NDST4: variants seen among roughly 807,000 people sequenced by gnomAD.
NDST4 encodes the protein N-heparan sulfate sulfotransferase 4.
In NDST4, 63 loss-of-function variants were observed where a neutral mutation model predicts 100.8. The ratio of observed to expected loss-of-function variants is 0.62; its 90% CI spans 0.51 to 0.77. The LOEUF (loss-of-function observed/expected upper bound fraction) is 0.77. NDST4 is among the 30% of genes least tolerant of loss of function. The probability of loss-of-function intolerance (pLI) is 0.00; values close to 1 mark genes in which losing one functional copy is unlikely to be tolerated. For synonymous variants in NDST4, 377 were observed against 361.8 expected (o/e 1.04, Z -0.48); for missense variants, 943 against 1,018.4 (o/e 0.93, Z 1.01).
chr4:114,914,341 A>G (rs1725124532), intron 6 of NDST4, among the ~76,000 whole-genome samples: 1 of 152,174 alleles, frequency 6.6e-6, no homozygotes, highest in African/African-American at 2.4e-5. Context: ...ATTGCTTGTA[A>G]CACAGGGATA....
chr4:115,026,988 T>A (rs1728000877), intron 2 of NDST4, among the ~76,000 whole-genome samples: 1 of 152,020 alleles, frequency 6.6e-6, no homozygotes, highest in Admixed American at 6.6e-5. Flanking sequence ...AATTCCAGAG[T>A]CTAGTTGCTG....
At chr4:115,047,928 C>G (rs1728500027) in intron 2 of NDST4, among the ~76,000 whole-genome samples, 1 of 147,480 alleles carries the variant, frequency 6.8e-6, no homozygotes, top group Non-Finnish European at 1.5e-5. Flanking sequence ...TTTTTTCAAC[C>G]TTTTTAAAAT....
At chr4:114,946,855 T>C (rs773753149) in intron 4 of NDST4, among the ~76,000 whole-genome samples, 4 of 152,172 alleles carry the variant, frequency 2.6e-5, no homozygotes, top group Non-Finnish European at 4.4e-5. Context: ...CTTTTTTTTC[T>C]GTAGATATTT....
Position 114,890,581 on chromosome 4 carries a change from T to C in NDST4, c.1537-19631A>G, listed in dbSNP as rs1468865503. On this transcript the variant is annotated intron_variant, in intron 6 of 13. Coordinates refer to ENST00000264363, the MANE Select transcript of NDST4 (RefSeq NM_022569.3). ...GAAGTAACAGTTGTTATTCCAATCT[T>C]AGTATAGGAAGCAGTGCTAAGCAAT... Among the ~76,000 whole-genome samples the C allele has an allele frequency of 2.6e-5, 4 of 152,100 alleles. No homozygotes were observed. The East Asian group carries it at 5.8e-4, about 22-fold the overall frequency.
intron 2 of NDST4, among the ~76,000 whole-genome samples, chr4:114,982,949 G>A (rs538235132): frequency 3.6e-4 from 55 of 152,302 alleles, no homozygotes; most frequent in African/African-American, 1.2e-3. Flanking sequence ...TACAGCTCAC[G>A]TTGTGGCTTC....
chr4:114,985,412 C>T (rs942427185), intron 2 of NDST4, among the ~76,000 whole-genome samples: 4 of 152,122 alleles, frequency 2.6e-5, no homozygotes, highest in African/African-American at 9.7e-5. Flanking sequence ...TTTAGGTACT[C>T]AGGATAGAGT....
rs142572486 is a variant in NDST4, at chr4:114,891,292, G to A, written c.1537-20342C>T. Among the ~76,000 whole-genome samples the A allele has an allele frequency of 8.6e-4, 131 of 151,828 alleles. 1 individual carries two copies. Among genetic ancestry groups the A allele is most frequent in the African/African-American group, 2.9e-3 (119 of 41,406 alleles). ...TCTTCTAATATTATTAAAGGTCTTA[G>A]CTTCCATTCCTGTCTTAAAGTACTC... On this transcript the variant is annotated intron_variant, in intron 6 of 13. Coordinates refer to ENST00000264363, the MANE Select transcript of NDST4 (RefSeq NM_022569.3).
chr4:114,910,453 G>A (rs750022735), intron 6 of NDST4, among the ~76,000 whole-genome samples: 1 of 152,178 alleles, frequency 6.6e-6, no homozygotes, highest in Non-Finnish European at 1.5e-5. Flanking sequence ...GTGTATAACA[G>A]TAGTAGCTCA....
intron 6 of NDST4, among the ~76,000 whole-genome samples, chr4:114,916,834 G>A (rs553928733): frequency 6.6e-6 from 1 of 151,474 alleles, no homozygotes; most frequent in Non-Finnish European, 1.5e-5. Context: ...CAAATCTTAC[G>A]TAAATTTTCT....
chr4:114,907,265 A>C (rs1368460055), intron 6 of NDST4, among the ~76,000 whole-genome samples: 1 of 152,156 alleles, frequency 6.6e-6, no homozygotes, highest in Admixed American at 6.5e-5. Flanking sequence ...CTGGCCCAGA[A>C]TAAGGGCACA....
rs761395212 is a variant in NDST4 at position 115,076,395 on chromosome 4, A to C, written c.642T>G (p.Pro214=). 6.2e-7 allele frequency: 1 copy of C among 1,613,976 alleles called. No individual in the cohort carries two copies. The highest frequency in any genetic ancestry group is 1.7e-5 in the Admixed American group (1 of 59,990). ...AAATAGTCCAGTCTTCCCCAGGAAGAGGGCCTTTCTCAACCTTGGGGGCTT... is the reference window on the plus strand; with the variant it reads ...AAATAGTCCAGTCTTCCCCAGGAAGCGGGCCTTTCTCAACCTTGGGGGCTT... ...ITKAPKVEKG[P]LPGEDWTIFQ... The change falls in exon 2 of 14, where the codon CCT becomes CCG. Residue 214 remains proline (P), a synonymous_variant. Transcript: ENST00000264363.
intron 2 of NDST4, among the ~76,000 whole-genome samples, chr4:115,064,783 C>G (rs563640365): frequency 3.9e-5 from 6 of 152,174 alleles, no homozygotes; most frequent in African/African-American, 1.4e-4. Context: ...TTTATTCAAT[C>G]TGTTTTTCTT....
At chr4:114,873,544 G>A (rs17047437) in intron 6 of NDST4, among the ~76,000 whole-genome samples, 11,755 of 151,826 alleles carry the variant, frequency 0.077, 531 homozygotes, top group East Asian at 0.13. Context: ...ACTGTCCAAT[G>A]TCCCAATCTC....
In NDST4 at chr4:115,088,989, G is replaced by T. The variant is rs187517715; in HGVS notation, c.-246-11707C>A. 2.5e-3 allele frequency among the ~76,000 whole-genome samples: 373 copies of T among 152,104 alleles called. 5 individuals are homozygous for T. The highest frequency in any genetic ancestry group is 1.5e-3 in the Non-Finnish European group (103 of 67,942). ...TAATTATTCATGGATTTCCACCAAG[G>T]CAGGAACTGTGATTTATTTAGAATT... On this transcript the variant is annotated intron_variant, in intron 1 of 13. Coordinates refer to ENST00000264363, the MANE Select transcript of NDST4 (RefSeq NM_022569.3).
At chr4:115,021,278 G>A (rs1053062610) in intron 2 of NDST4, among the ~76,000 whole-genome samples, 1,537 of 133,220 alleles carry the variant, frequency 0.012, 37 homozygotes, top group African/African-American at 0.042. Flanking sequence ...TTCCACATGT[G>A]TATTCCACAT....
At chr4:115,085,291 T>A (rs919982375) in intron 1 of NDST4, among the ~76,000 whole-genome samples, 9 of 152,204 alleles carry the variant, frequency 5.9e-5, no homozygotes, top group Admixed American at 5.2e-4. Context: ...TTACTTTTGA[T>A]TATACAGGCT....
chr4:114,995,424 G>A (rs1037057353), intron 2 of NDST4, among the ~76,000 whole-genome samples: 2 of 151,968 alleles, frequency 1.3e-5, no homozygotes, highest in Admixed American at 6.6e-5. Context: ...AACAGCAAAA[G>A]TATTTTGACA....
chr4:115,087,794 C>T (rs1318807097), intron 1 of NDST4, among the ~76,000 whole-genome samples: 1 of 151,774 alleles, frequency 6.6e-6, no homozygotes, highest in African/African-American at 2.4e-5. Context: ...TGTAACTTAT[C>T]AGCAAGGATG....
intron 2 of NDST4, among the ~76,000 whole-genome samples, chr4:115,024,904 T>A (rs1325131242): frequency 6.6e-6 from 1 of 152,212 alleles, no homozygotes; most frequent in Non-Finnish European, 1.5e-5. Flanking sequence ...AATGGATTAA[T>A]GCTGGCATCA....
Sources: allele counts gnomAD v4.1 joint callset (sites outside exome capture counted in the v4.1 genomes callset), GRCh38; gene constraint gnomAD v4.1.1; transcripts MANE v1.5; gene names NCBI Gene and HGNC (gene_info 2026-07-23, HGNC 2026-07-21).